Variants in GALNT18 observed in about 807,000 individuals in gnomAD.
GALNT18 encodes the protein polypeptide N-acetylgalactosaminyltransferase 18.
GALNT18 carries 44 observed loss-of-function variants against 69.5 expected under a neutral mutation model. That is an observed-to-expected ratio of 0.63 (90% confidence interval 0.50 to 0.81). The LOEUF is 0.81. Ranked by LOEUF, GALNT18 falls within the 40% of genes least tolerant of loss-of-function variation. GALNT18 has a pLI of 0.00. For missense variants in GALNT18, 715 were observed against 810.0 expected, an observed-to-expected ratio of 0.88 and a Z score of 1.42; for synonymous variants, 364 against 318.2, an observed-to-expected ratio of 1.14 and a Z score of -1.53.
Position 11,602,939 on chromosome 11 carries a change from A to G in GALNT18, c.235+18420T>C, listed in dbSNP as rs1041737610. On this transcript the variant is annotated intron_variant, in intron 1 of 10. Transcript: ENST00000227756. The surrounding 1 kb of genome is among the most constrained non-coding windows in gnomAD (Gnocchi z 4.7). ...GTAAACTTGGGAAATACTAGAATTTATGATTCATTTACATGGTTTCTAGGG... is the reference window on the plus strand; with the variant it reads ...GTAAACTTGGGAAATACTAGAATTTGTGATTCATTTACATGGTTTCTAGGG... Among the ~76,000 whole-genome samples, 4 of 152,230 alleles carry G rather than the reference A, an allele frequency of 2.6e-5. No individual in the cohort carries two copies. Among genetic ancestry groups the G allele is most frequent in the Non-Finnish European group, 5.9e-5 (4 of 68,034 alleles).
chr11:11,523,758 A>G lies in GALNT18; in HGVS notation c.236-74822T>C, dbSNP rs112563542. ...ATATCGTACACCCTGCCTCCCTGGGAAAGGAGGTAGGACACACGGCTGCAA... is the reference window on the plus strand; with the variant it reads ...ATATCGTACACCCTGCCTCCCTGGGGAAGGAGGTAGGACACACGGCTGCAA... On this transcript the variant is annotated intron_variant, in intron 1 of 10. Transcript: ENST00000227756. The surrounding 1 kb of genome is among the most constrained non-coding windows in gnomAD (Gnocchi z 4.3). Among the ~76,000 whole-genome samples the G allele has an allele frequency of 0.04, 6,145 of 151,888 alleles. 422 individuals carry two copies. The highest frequency in any genetic ancestry group is 0.14 in the African/African-American group (5,806 of 41,392).
At chr11:11,370,416 A>T (rs866719128) in intron 6 of GALNT18, among the ~76,000 whole-genome samples, 40 of 152,340 alleles carry the variant, frequency 2.6e-4, no homozygotes, top group South Asian at 1.0e-3. Context: ...TTTGCTGACG[A>T]TCAGTGGTTC....
At chr11:11,544,021 C>T (rs796620730) in intron 1 of GALNT18, among the ~76,000 whole-genome samples, 22 of 152,372 alleles carry the variant, frequency 1.4e-4, no homozygotes, top group African/African-American at 5.3e-4. Context: ...CAATAGTGCG[C>T]ACAAGGCTTC....
intron 10 of GALNT18, among the ~76,000 whole-genome samples, chr11:11,272,384 T>C (rs1175944653): frequency 1.3e-5 from 2 of 152,314 alleles, no homozygotes; most frequent in African/African-American, 2.4e-5. Context: ...AGCTCCCTAA[T>C]GGATCTCCCT....
rs1855876614 is a variant in GALNT18, at chr11:11,454,386, A to G, written c.236-5450T>C. Among the ~76,000 whole-genome samples the G allele has an allele frequency of 6.6e-6, 1 of 152,158 alleles. No individual in the cohort carries two copies. Among genetic ancestry groups the G allele is most frequent in the African/African-American group, 2.4e-5 (1 of 41,442 alleles). ...TGTAAATCTCTTATACCAGAGAATT[A>G]CCAGGCTTCTCTCCCAAGTATCCAG... On this transcript the variant is annotated intron_variant, in intron 1 of 10. Transcript: ENST00000227756. The surrounding 1 kb of genome is among the most constrained non-coding windows in gnomAD (Gnocchi z 4.2).
intron 6 of GALNT18, chr11:11,353,078 A>G (rs779184038): frequency 1.2e-6 from 2 of 1,614,146 alleles, no homozygotes; most frequent in Admixed American, 3.3e-5. Flanking sequence ...GTGTATTAAC[A>G]TCTGTGTAAA....
intron 9 of GALNT18, among the ~76,000 whole-genome samples, chr11:11,312,834 G>A (rs114376772): frequency 0.014 from 2,123 of 152,274 alleles, 47 homozygotes; most frequent in African/African-American, 0.048. Flanking sequence ...AGGAAACAGA[G>A]GTGCATTGAG....
intron 1 of GALNT18, chr11:11,476,602 T>C (rs903395169): frequency 6.6e-5 from 10 of 152,236 alleles, no homozygotes; most frequent in African/African-American, 2.2e-4. Flanking sequence ...AGCTCACTAA[T>C]TGGAATGTCC....
intron 2 of GALNT18, among the ~76,000 whole-genome samples, chr11:11,433,156 T>C (rs991854157): frequency 6.6e-6 from 1 of 152,232 alleles, no homozygotes; most frequent in African/African-American, 2.4e-5. Context: ...ATTCGTAGTA[T>C]TTCCAAAATG....
chr11:11,354,492 A>G (rs1046967785), intron 6 of GALNT18, among the ~76,000 whole-genome samples: 2 of 152,216 alleles, frequency 1.3e-5, no homozygotes, highest in Non-Finnish European at 2.9e-5. Context: ...TCACCTTCCA[A>G]CACTCAGTTT....
intron 1 of GALNT18, among the ~76,000 whole-genome samples, chr11:11,535,218 C>T (rs1365697138): frequency 6.6e-6 from 1 of 152,164 alleles, no homozygotes; most frequent in Non-Finnish European, 1.5e-5. Context: ...GGCCCCCGGC[C>T]AGTTGGAGAC....
chr11:11,319,179 G>C (rs1385539138), intron 9 of GALNT18, among the ~76,000 whole-genome samples: 1 of 151,950 alleles, frequency 6.6e-6, no homozygotes. Flanking sequence ...AAGTCAGCAA[G>C]ATGAACGGGG....
intron 2 of GALNT18, among the ~76,000 whole-genome samples, chr11:11,445,716 T>C (rs571623938): frequency 1.3e-5 from 2 of 151,980 alleles, no homozygotes; most frequent in African/African-American, 2.4e-5. Flanking sequence ...CCCTGAGGAG[T>C]GAGGAGGCTC....
intron 6 of GALNT18, among the ~76,000 whole-genome samples, chr11:11,363,969 G>A (rs1254665566): frequency 2.7e-5 from 4 of 150,878 alleles, no homozygotes; most frequent in African/African-American, 7.5e-5. Context: ...AAGTCAATAA[G>A]GATATTAAAT....
At chr11:11,371,720 G>A (rs1471820313) in intron 6 of GALNT18, among the ~76,000 whole-genome samples, 1 of 152,124 alleles carries the variant, frequency 6.6e-6, no homozygotes, top group Non-Finnish European at 1.5e-5. Context: ...CTTCCTTCTA[G>A]GACAAGATCC....
chr11:11,515,474 C>T (rs969549076), intron 1 of GALNT18, among the ~76,000 whole-genome samples: 16 of 152,210 alleles, frequency 1.1e-4, no homozygotes, highest in African/African-American at 3.9e-4. Flanking sequence ...TGTATGCTGC[C>T]CACCTGTCAG....
chr11:11,429,302 T>C (rs1378667216), intron 3 of GALNT18, among the ~76,000 whole-genome samples: 1 of 152,154 alleles, frequency 6.6e-6, no homozygotes, highest in Non-Finnish European at 1.5e-5. Context: ...CTCTCTCACC[T>C]GCTAACGCTC....
rs1045509575 is a variant in GALNT18, at chr11:11,435,434, C to A, written c.429-2647G>T. Among the ~76,000 whole-genome samples, 2 of 152,206 alleles carry A rather than the reference C, an allele frequency of 1.3e-5. No homozygotes were observed. The highest frequency in any genetic ancestry group is 4.8e-5 in the African/African-American group (2 of 41,456). ...TATTTGTATAATAAGCTAAGCCCTG[C>A]TGATCACGATTTTCACAAGAAAGAC... On this transcript the variant is annotated intron_variant, in intron 2 of 10. Transcript: ENST00000227756. The surrounding 1 kb of genome is among the most constrained non-coding windows in gnomAD (Gnocchi z 4.4).
intron 10 of GALNT18, among the ~76,000 whole-genome samples, chr11:11,287,065 A>C (rs142711148): frequency 5.3e-5 from 8 of 152,278 alleles, no homozygotes; most frequent in Non-Finnish European, 5.9e-5. Flanking sequence ...CTCTATGAAG[A>C]AGCAGCTCAA....
Sources: gnomAD v4.1 joint callset for allele counts (sites outside exome capture counted in the v4.1 genomes callset) on GRCh38, gnomAD v4.1.1 for gene constraint, Gnocchi (gnomAD v3.1) non-coding constraint, MANE v1.5 for transcripts, NCBI Gene and HGNC (gene_info 2026-07-23, HGNC 2026-07-21) for gene names.